The following DLG2 variants were observed in gnomAD, a reference collection of about 807,000 sequenced individuals.
DLG2 encodes the protein discs large MAGUK scaffold protein 2.
A neutral mutation model predicts 132.5 loss-of-function variants in DLG2; 45 were observed. The ratio of observed to expected loss-of-function variants is 0.34; its 90% confidence interval spans 0.27 to 0.44. The LOEUF (loss-of-function observed/expected upper bound fraction) is 0.44. DLG2 is among the 20% of genes least tolerant of loss of function. The pLI, the probability that DLG2 is intolerant of heterozygous loss-of-function variation, is 1.00. For synonymous variants in DLG2, 424 were observed against 419.6 expected (o/e 1.01, Z -0.13); for missense variants, 1,045 against 1,196.9 (o/e 0.87, Z 1.87).
At chr11:84,475,484 C>T (rs866051530) in intron 7 of DLG2, among the ~76,000 whole-genome samples, 1 of 151,982 alleles carries the variant, frequency 6.6e-6, no homozygotes, top group Non-Finnish European at 1.5e-5. Context: ...TAAAGTGGTC[C>T]CAGGGCTGTT....
chr11:85,031,270 G>A (rs1292778441), intron 6 of DLG2, among the ~76,000 whole-genome samples: 1 of 151,872 alleles, frequency 6.6e-6, no homozygotes, highest in Non-Finnish European at 1.5e-5. Context: ...GCTATTTCCT[G>A]ATATGTTATT....
chr11:84,534,450 C>T, intron 7 of DLG2, 120 bp downstream of exon 7: 1 of 1,013,352 alleles, frequency 9.9e-7, no homozygotes, highest in Non-Finnish European at 1.5e-6. Flanking sequence ...CCTTTGGCAA[C>T]CCGTGTCCTC....
At chr11:84,318,747 C>A (rs2098384063) in intron 7 of DLG2, among the ~76,000 whole-genome samples, 1 of 152,192 alleles carries the variant, frequency 6.6e-6, no homozygotes, top group Non-Finnish European at 1.5e-5. Flanking sequence ...AGAAGGTATT[C>A]AAAACACGTT....
chr11:84,375,763 C>T (rs1295382833), intron 7 of DLG2, among the ~76,000 whole-genome samples: 4 of 151,994 alleles, frequency 2.6e-5, no homozygotes, highest in African/African-American at 9.7e-5. Context: ...ATCTCTACCT[C>T]TGCTTTGTCA....
intron 21 of DLG2, among the ~76,000 whole-genome samples, chr11:83,525,165 C>T (rs866688222): frequency 3.3e-5 from 5 of 152,224 alleles, no homozygotes; most frequent in Middle Eastern, 6.8e-3. Context: ...CAAAATGTTC[C>T]TTGAGTTCCA....
In DLG2 at chr11:84,145,298, T is replaced by C. The variant is rs147473308; in HGVS notation, c.624+18163A>G. On this transcript the variant is annotated intron_variant, in intron 9 of 27. Transcript: ENST00000376104. Reference sequence around the variant, plus strand: ...AGATTGTTAGGCAATTTCATCATTATGTGAACACCACAGAATGTACTTAAG... The same window carrying C: ...AGATTGTTAGGCAATTTCATCATTACGTGAACACCACAGAATGTACTTAAG... Among the ~76,000 whole-genome samples the C allele has an allele frequency of 2.7e-3, 404 of 152,320 alleles. 2 individuals are homozygous for C. Among genetic ancestry groups the C allele is most frequent in the African/African-American group, 9.2e-3 (382 of 41,574 alleles).
chr11:83,874,620 T>C (rs1291451145), intron 15 of DLG2, 132 bp from the exon 16 acceptor site: 2 of 531,996 alleles, frequency 3.8e-6, no homozygotes, highest in South Asian at 3.7e-5. Context: ...ATGTGCCATG[T>C]TGGTGTGCTG....
intron 17 of DLG2, among the ~76,000 whole-genome samples, chr11:83,818,063 C>G (rs965717167): frequency 2.0e-5 from 3 of 152,200 alleles, no homozygotes. Context: ...GAGTCTCCGT[C>G]TTTTCACTTT....
chr11:83,835,764 A>C (rs2055976667), intron 16 of DLG2, among the ~76,000 whole-genome samples: 1 of 152,216 alleles, frequency 6.6e-6, no homozygotes, highest in African/African-American at 2.4e-5. Flanking sequence ...TCAAGGTGTC[A>C]GCCAGGCTCA....
intron 8 of DLG2, among the ~76,000 whole-genome samples, chr11:84,206,555 A>G (rs2154304409): frequency 6.6e-6 from 1 of 152,208 alleles, no homozygotes; most frequent in Non-Finnish European, 1.5e-5. Context: ...GACCAAGGGG[A>G]ATTTTTCACA....
intron 3 of DLG2, among the ~76,000 whole-genome samples, chr11:85,546,818 C>CTTTTTT (rs34822004): frequency 6.1e-4 from 42 of 68,998 alleles, no homozygotes; most frequent in Admixed American, 9.2e-4. Context: ...ATAACCCCTG[C>CTTTTTT]TTTTTTTTTT....
chr11:85,233,090 A>T (rs756763220), intron 4 of DLG2, among the ~76,000 whole-genome samples: 1 of 151,764 alleles, frequency 6.6e-6, no homozygotes, highest in African/African-American at 2.4e-5. Context: ...GGTAGATTTC[A>T]TGTGGTTTTT....
intron 11 of DLG2, among the ~76,000 whole-genome samples, chr11:84,016,885 C>G (rs146890628): frequency 1.3e-5 from 2 of 152,018 alleles, no homozygotes; most frequent in African/African-American, 4.8e-5. Context: ...AATTATTATA[C>G]TATGTTGCCT....
chr11:83,802,356 G>A (rs752362035), intron 17 of DLG2, among the ~76,000 whole-genome samples: 1 of 152,046 alleles, frequency 6.6e-6, no homozygotes, highest in Non-Finnish European at 1.5e-5. Context: ...CCCACCAAAT[G>A]TTCTATCCTG....
chr11:84,713,504 G>C (rs1010998579), intron 6 of DLG2, among the ~76,000 whole-genome samples: 1 of 151,990 alleles, frequency 6.6e-6, no homozygotes, highest in African/African-American at 2.4e-5. Context: ...TTGAACACTT[G>C]GATTTTTTGC....
At chr11:84,315,843 T>C (rs2098348421) in intron 7 of DLG2, among the ~76,000 whole-genome samples, 1 of 152,142 alleles carries the variant, frequency 6.6e-6, no homozygotes, top group Admixed American at 6.5e-5. Flanking sequence ...AATTAAAATA[T>C]TCTCTGCACC....
chr11:83,790,324 T>G, intron 17 of DLG2: 1 of 884,628 alleles, frequency 1.1e-6, no homozygotes, highest in Non-Finnish European at 1.8e-6. Flanking sequence ...AGCTCAAGCT[T>G]AAAAGGTAAC....
chr11:84,704,098 C>T (rs1166328810), intron 6 of DLG2, among the ~76,000 whole-genome samples: 5 of 150,840 alleles, frequency 3.3e-5, no homozygotes, highest in Non-Finnish European at 5.9e-5. Context: ...TTTTAATATG[C>T]CACTAGTCTT....
At chr11:84,580,582 T>C (rs1213941629) in intron 6 of DLG2, among the ~76,000 whole-genome samples, 1 of 152,208 alleles carries the variant, frequency 6.6e-6, no homozygotes, top group Admixed American at 6.5e-5. Context: ...ACACACCTCC[T>C]AGCTGCGAGT....
Sources: gnomAD v4.1 joint callset for allele counts (sites outside exome capture counted in the v4.1 genomes callset) on GRCh38, gnomAD v4.1.1 for gene constraint, MANE v1.5 for transcripts, NCBI Gene and HGNC (gene_info 2026-07-23, HGNC 2026-07-21) for gene names.